TP53INP2: variants seen among roughly 807,000 people sequenced by gnomAD.
TP53INP2 encodes the protein tumor protein p53-inducible nuclear protein 2.
Under a neutral mutation model 17.1 loss-of-function variants are expected in TP53INP2, and 12 were observed. The observed-to-expected ratio is 0.70, with a 90% CI of 0.45 to 1.14. The LOEUF (loss-of-function observed/expected upper bound fraction) is 1.14, where lower values mean the gene tolerates loss of function less well. Ranked by LOEUF, TP53INP2 falls within the 50% of genes most tolerant of loss-of-function variation. The pLI, the probability that TP53INP2 is intolerant of heterozygous loss-of-function variation, is 0.00. For missense variants in TP53INP2, 342 were observed against 330.9 expected, an observed-to-expected ratio of 1.03 and a Z score of -0.26; for synonymous variants, 145 against 147.3, an observed-to-expected ratio of 0.98 and a Z score of 0.12.
intron 2 of TP53INP2, 48 bp from the exon 3 acceptor site, chr20:34,708,642 TG>T: frequency 8.7e-7 from 1 of 1,155,518 alleles, no homozygotes; most frequent in Non-Finnish European, 1.2e-6. Flanking sequence ...AGGCCAGGAG[TG>T]GGGTGAACCT....
rs933683906 is a variant in TP53INP2 at position 34,709,205 on chromosome 20, C to T, written c.125-31C>T. ...TGTGTGCCTCCTCGCTGCTCCCCTC[C>T]TCTGCACGGCTCCCATCCCGCGCCC... is the stretch of plus-strand genomic sequence containing the variant. On this transcript the variant is annotated intron_variant, in intron 3 of 4. Coordinates refer to ENST00000374810, the MANE Select transcript of TP53INP2 (RefSeq NM_021202.3). This position sits in a 1 kb window ranked among gnomAD's most constrained non-coding sequence, Gnocchi z 5.4. 2 of 1,529,618 alleles carry T rather than the reference C, an allele frequency of 1.3e-6. No individual in the cohort carries two copies. Among genetic ancestry groups the T allele is most frequent in the East Asian group, 2.5e-5 (1 of 40,716 alleles). 94.8% of individuals were successfully genotyped at this position (1,529,618 alleles called of 1,614,324 possible).
In TP53INP2 at chr20:34,708,738, C is replaced by A. The variant is rs1600693796; in HGVS notation, c.-2C>A. 4 of 1,575,446 alleles carry A rather than the reference C, an allele frequency of 2.5e-6. No homozygotes were observed. The highest frequency in any genetic ancestry group is 3.4e-6 in the Non-Finnish European group (4 of 1,161,222). Reference sequence around the variant, plus strand: ...CCCCCGTGAGGCGCTTCGCCCCCCACCATGTTCCAGCGCCTCTCCAGCCTC... The same window carrying A: ...CCCCCGTGAGGCGCTTCGCCCCCCAACATGTTCCAGCGCCTCTCCAGCCTC... On this transcript the variant is annotated 5_prime_UTR_variant, in exon 3 of 5. Coordinates refer to ENST00000374810, the MANE Select transcript of TP53INP2 (RefSeq NM_021202.3).
rs1259020897 is a variant in TP53INP2 at position 34,712,940 on chromosome 20, G to C, written c.*2633G>C. ...CAAGCTGGGTGTCTTTCCAGCCTTT[G>C]CCAGTCTAGCCCCAGCAGGGCACCG... On this transcript the variant is annotated 3_prime_UTR_variant, in exon 5 of 5. Transcript: ENST00000374810. 1.3e-5 allele frequency: 2 copies of C among 152,472 alleles called. No homozygotes were observed. Among genetic ancestry groups the C allele is most frequent in the Non-Finnish European group, 2.9e-5 (2 of 68,044 alleles). The allele number at this position is 152,472 out of a possible 1,614,324, so 9.4% of individuals were successfully genotyped here.
intron 1 of TP53INP2, 165 bp downstream of exon 1, chr20:34,704,677 C>T (rs1296180545): frequency 6.6e-6 from 1 of 152,230 alleles, no homozygotes; most frequent in Non-Finnish European, 1.5e-5. Context: ...GTTCTATTTG[C>T]ATATGACATT....
At position 34,708,925 on chromosome 20, in the gene TP53INP2, C is replaced by A. The variant is rs1437703682; in HGVS notation, c.124+62C>A. 10 of 1,579,324 alleles carry A rather than the reference C, an allele frequency of 6.3e-6. No individual in the cohort carries two copies. In the Admixed American group the frequency reaches 1.6e-4, roughly 25 times the overall value. On this transcript the variant is annotated intron_variant, in intron 3 of 4. Transcript: ENST00000374810. Reference sequence around the variant, plus strand: ...ATTCTAAGGGCAGATGGCCTAGCAGCGGAGGGGAAGGGCGCTGCTGGGGGA... The same window carrying A: ...ATTCTAAGGGCAGATGGCCTAGCAGAGGAGGGGAAGGGCGCTGCTGGGGGA...
intron 2 of TP53INP2, among the ~76,000 whole-genome samples, chr20:34,708,439 TATC>T (rs1278988397): frequency 6.6e-6 from 1 of 152,142 alleles, no homozygotes; most frequent in Non-Finnish European, 1.5e-5. Context: ...AAGGTACTAT[TATC>T]ATTGTCTTTT....
chr20:34,709,714 TGAG>T lies in TP53INP2; in HGVS notation c.413+193_413+195del, dbSNP rs1568685376. On this transcript the variant is annotated intron_variant, in intron 4 of 4. Coordinates refer to ENST00000374810, the MANE Select transcript of TP53INP2 (RefSeq NM_021202.3). This position sits in a 1 kb window ranked among gnomAD's most constrained non-coding sequence, Gnocchi z 5.4. The stretch of plus-strand genomic sequence containing the variant: ...CTCCGGGCGAGGCTAGAAGCGGGCC[TGAG>T]GACGGAGGGGCGGGGCTTGAGAGGG... Among the ~76,000 whole-genome samples the T allele has an allele frequency of 6.6e-6, 1 of 150,846 alleles. No individual in the cohort carries two copies. The highest frequency in any genetic ancestry group is 1.5e-5 in the Non-Finnish European group (1 of 67,644).
In TP53INP2 at chr20:34,711,585, C is replaced by CTT. The variant is rs1832624675; in HGVS notation, c.*1279_*1280insTT. On this transcript the variant is annotated 3_prime_UTR_variant, in exon 5 of 5. Transcript: ENST00000374810. This position sits in a 1 kb window ranked among gnomAD's most constrained non-coding sequence, Gnocchi z 4.1. ...TCTTTTCATTTTCTCCCACAGGCCT[C>CTT]TCTTTCTTTCTAGGTTGCTGGGGAG... 6.6e-6 allele frequency: 1 copy of CTT among 152,202 alleles called. No homozygotes were observed. The highest frequency in any genetic ancestry group is 6.6e-5 in the Admixed American group (1 of 15,248). 9.4% of individuals were successfully genotyped at this position (152,202 alleles called of 1,614,324 possible).
In TP53INP2 at chr20:34,710,589, G is replaced by C. The variant is rs1307361747; in HGVS notation, c.*282G>C. On this transcript the variant is annotated 3_prime_UTR_variant, in exon 5 of 5. Transcript: ENST00000374810. The surrounding 1 kb of genome is among the most constrained non-coding windows in gnomAD (Gnocchi z 4.9). Reference sequence around the variant, plus strand: ...CCTTTCTTCTCTGGTCCCCATCCCTGTCTCTCCCTTTCACCCTTGCCCTCC... The same window carrying C: ...CCTTTCTTCTCTGGTCCCCATCCCTCTCTCTCCCTTTCACCCTTGCCCTCC... The C allele has an allele frequency of 3.1e-6, 1 of 319,306 alleles. No homozygotes were observed. The highest frequency in any genetic ancestry group is 5.7e-6 in the Non-Finnish European group (1 of 176,150). 19.8% of individuals were successfully genotyped at this position (319,306 alleles called of 1,614,324 possible). A position where few individuals can be genotyped will look rare whatever the true frequency, so the allele number is the denominator to read the frequency against.
chr20:34,706,132 C>G (rs1180556013), intron 2 of TP53INP2, among the ~76,000 whole-genome samples: 1 of 152,132 alleles, frequency 6.6e-6, no homozygotes, highest in Non-Finnish European at 1.5e-5. Flanking sequence ...ACCCCAGACC[C>G]TTTTGTAGCT....
At chr20:34,705,116 C>T (rs1987978948) in intron 1 of TP53INP2, among the ~76,000 whole-genome samples, 1 of 152,212 alleles carries the variant, frequency 6.6e-6, no homozygotes, top group Non-Finnish European at 1.5e-5. Flanking sequence ...GTCTTAGACC[C>T]CAGTGCATGG....
intron 2 of TP53INP2, among the ~76,000 whole-genome samples, chr20:34,706,702 T>A (rs1988012304): frequency 1.3e-5 from 2 of 152,200 alleles, no homozygotes; most frequent in Non-Finnish European, 2.9e-5. Context: ...AGTGAGGTGA[T>A]TCTGCAGCAA....
chr20:34,705,872 C>T (rs978650695), intron 2 of TP53INP2, among the ~76,000 whole-genome samples: 1 of 152,102 alleles, frequency 6.6e-6, no homozygotes, highest in Non-Finnish European at 1.5e-5. Context: ...AATGTGAGAA[C>T]CAGGAAGCTG....
intron 2 of TP53INP2, among the ~76,000 whole-genome samples, chr20:34,707,597 G>T (rs1349042174): frequency 6.6e-6 from 1 of 152,120 alleles, no homozygotes; most frequent in Non-Finnish European, 1.5e-5. Context: ...GCTGCCTCTG[G>T]AATCTGATTG....
Position 34,710,047 on chromosome 20 carries a change from T to C in TP53INP2, c.414-11T>C. The C allele has an allele frequency of 7.8e-7, 1 of 1,285,372 alleles. No homozygotes were observed. Among genetic ancestry groups the C allele is most frequent in the Non-Finnish European group, 9.8e-7 (1 of 1,017,380 alleles). 79.6% of individuals were successfully genotyped at this position (1,285,372 alleles called of 1,614,324 possible). ...TACCCGGCTTGACCGAGCCTGGCTC[T>C]GTCCTCACAGGGAATTGACGCCCGC... is the stretch of plus-strand genomic sequence containing the variant. On this transcript the variant is annotated splice_polypyrimidine_tract_variant and intron_variant, in intron 4 of 4. Transcript: ENST00000374810. This position sits in a 1 kb window ranked among gnomAD's most constrained non-coding sequence, Gnocchi z 4.9.
chr20:34,710,055 C>A lies in TP53INP2; in HGVS notation c.414-3C>A. The A allele has an allele frequency of 7.8e-7, 1 of 1,286,862 alleles. No homozygotes were observed. Among genetic ancestry groups the A allele is most frequent in the Admixed American group, 3.5e-5 (1 of 28,590 alleles). The allele number at this position is 1,286,862 out of a possible 1,614,324, so 79.7% of individuals were successfully genotyped here. On this transcript the variant is annotated splice_polypyrimidine_tract_variant and splice_region_variant and intron_variant, in intron 4 of 4. Coordinates refer to ENST00000374810, the MANE Select transcript of TP53INP2 (RefSeq NM_021202.3). The surrounding 1 kb of genome is among the most constrained non-coding windows in gnomAD (Gnocchi z 4.9). Reference sequence around the variant, plus strand: ...TTGACCGAGCCTGGCTCTGTCCTCACAGGGAATTGACGCCCGCCCGCCGCG... The same window carrying A: ...TTGACCGAGCCTGGCTCTGTCCTCAAAGGGAATTGACGCCCGCCCGCCGCG...
rs891073328 is a variant in TP53INP2 at position 34,710,572 on chromosome 20, C to T, written c.*265C>T. On this transcript the variant is annotated 3_prime_UTR_variant, in exon 5 of 5. Coordinates refer to ENST00000374810, the MANE Select transcript of TP53INP2 (RefSeq NM_021202.3). The surrounding 1 kb of genome is among the most constrained non-coding windows in gnomAD (Gnocchi z 4.9). ...ACTCCTGGCCCCTCCATCCTTTCTT[C>T]TCTGGTCCCCATCCCTGTCTCTCCC... The T allele has an allele frequency of 6.5e-5, 22 of 340,384 alleles. No homozygotes were observed. Among genetic ancestry groups the T allele is most frequent in the African/African-American group, 4.2e-4 (20 of 47,100 alleles). 21.1% of individuals were successfully genotyped at this position (340,384 alleles called of 1,614,324 possible).
In TP53INP2 at chr20:34,709,362, C is replaced by A. The variant is rs772790442; in HGVS notation, c.251C>A (p.Pro84His). ...TPPACFTAEG[P>H]GLGPARLQSS... ...CCCGCCTGTTTTACGGCAGAGGGGC[C>A]TGGACTCGGTCCCGCCCGCCTCCAG... is the stretch of plus-strand genomic sequence containing the variant. Residue 84 changes from proline (P) to histidine (H), a missense_variant, in exon 4 of 5, where the codon CCT becomes CAT. Coordinates refer to ENST00000374810, the MANE Select transcript of TP53INP2 (RefSeq NM_021202.3). This position sits in a 1 kb window ranked among gnomAD's most constrained non-coding sequence, Gnocchi z 5.4. 2 of 1,613,704 alleles carry A rather than the reference C, an allele frequency of 1.2e-6. No individual in the cohort carries two copies. Among genetic ancestry groups the A allele is most frequent in the East Asian group, 4.5e-5 (2 of 44,834 alleles).
Position 34,708,514 on chromosome 20 carries a change from A to T in TP53INP2, c.-49-177A>T, listed in dbSNP as rs575816860. Among the ~76,000 whole-genome samples, 8 of 144,168 alleles carry T rather than the reference A, an allele frequency of 5.5e-5. No individual in the cohort carries two copies. In the South Asian group the frequency reaches 1.8e-3, roughly 33 times the overall value. 94.6% of individuals were successfully genotyped at this position (144,168 alleles called of 152,430 possible). A position where few individuals can be genotyped will look rare whatever the true frequency, so the allele number is the denominator to read the frequency against. On this transcript the variant is annotated intron_variant, in intron 2 of 4. Coordinates refer to ENST00000374810, the MANE Select transcript of TP53INP2 (RefSeq NM_021202.3). ...AACTTTCTAAAATCATACAGAAGATAAAAAAAAAACCCTGGATTTGAATGC... is the reference window on the plus strand; with the variant it reads ...AACTTTCTAAAATCATACAGAAGATTAAAAAAAAACCCTGGATTTGAATGC...
Sources: gnomAD v4.1 joint callset for allele counts (sites outside exome capture counted in the v4.1 genomes callset) on GRCh38, gnomAD v4.1.1 for gene constraint, Gnocchi (gnomAD v3.1) non-coding constraint, MANE v1.5 for transcripts, NCBI Gene and HGNC (gene_info 2026-07-23, HGNC 2026-07-21) for gene names.